Variants in SIPA1L2 observed in about 807,000 individuals in gnomAD.
SIPA1L2 encodes the protein signal-induced proliferation-associated 1-like protein 2.
Under a neutral mutation model 163.9 loss-of-function variants are expected in SIPA1L2, and 56 were observed. The observed-to-expected ratio is 0.34, with a 90% CI of 0.28 to 0.43. The LOEUF is 0.43. Among genes scored for constraint, SIPA1L2 ranks in the 20% least tolerant of loss-of-function variants. SIPA1L2 has a pLI of 1.00. For synonymous variants in SIPA1L2, 877 were observed against 865.7 expected, an observed-to-expected ratio of 1.01 and a Z score of -0.23; for missense variants, 1,974 against 2,193.5, an observed-to-expected ratio of 0.90 and a Z score of 2.00.
chr1:232,558,414 C>T (rs986342842), intron 2 of SIPA1L2, among the ~76,000 whole-genome samples: 2 of 152,174 alleles, frequency 1.3e-5, no homozygotes, highest in African/African-American at 2.4e-5. Context: ...GCCCCACCCC[C>T]GGCCACGGTT....
chr1:232,457,317 A>G (rs1663976951), intron 10 of SIPA1L2, among the ~76,000 whole-genome samples: 1 of 152,212 alleles, frequency 6.6e-6, no homozygotes, highest in African/African-American at 2.4e-5. Flanking sequence ...ATGATTTTCT[A>G]AAACGGGAGT....
chr1:232,521,041 C>T (rs1172510845), intron 2 of SIPA1L2, among the ~76,000 whole-genome samples: 1 of 151,940 alleles, frequency 6.6e-6, no homozygotes, highest in Non-Finnish European at 1.5e-5. Context: ...AATATTTTTG[C>T]CTGGTAAGTT....
intron 2 of SIPA1L2, among the ~76,000 whole-genome samples, chr1:232,530,681 T>C (rs1440217236): frequency 1.3e-5 from 2 of 152,222 alleles, no homozygotes; most frequent in African/African-American, 2.4e-5. Flanking sequence ...CCCTGCTTCC[T>C]GGACTCTAGC....
At chr1:232,608,160 C>G (rs1662061961) in intron 1 of SIPA1L2, among the ~76,000 whole-genome samples, 1 of 152,046 alleles carries the variant, frequency 6.6e-6, no homozygotes, top group African/African-American at 2.4e-5. Flanking sequence ...ACTCTCATGC[C>G]TCAGCCTCCT....
intron 9 of SIPA1L2, among the ~76,000 whole-genome samples, 179 bp downstream of exon 9, chr1:232,464,661 T>C (rs1454718359): frequency 1.3e-5 from 2 of 152,224 alleles, no homozygotes; most frequent in Admixed American, 1.3e-4. Context: ...TCTCCACCAT[T>C]CATGTATTCA....
chr1:232,507,784 C>T (rs895406487), intron 3 of SIPA1L2, among the ~76,000 whole-genome samples: 8 of 152,126 alleles, frequency 5.3e-5, no homozygotes, highest in African/African-American at 1.9e-4. Flanking sequence ...GCATTCAGTG[C>T]AGATAACGAT....
At chr1:232,568,751 T>A (rs1215546180) in intron 2 of SIPA1L2, among the ~76,000 whole-genome samples, 2 of 152,180 alleles carry the variant, frequency 1.3e-5, no homozygotes, top group African/African-American at 2.4e-5. Flanking sequence ...TTTTTCACTC[T>A]GAATAAAGTA....
At chr1:232,417,837 G>A (rs1661347264) in intron 18 of SIPA1L2, among the ~76,000 whole-genome samples, 1 of 152,152 alleles carries the variant, frequency 6.6e-6, no homozygotes, top group Non-Finnish European at 1.5e-5. Context: ...TTTCCACATG[G>A]CTGGGCTCTT....
At chr1:232,622,811 T>C (rs1420122758) in intron 1 of SIPA1L2, among the ~76,000 whole-genome samples, 2 of 152,230 alleles carry the variant, frequency 1.3e-5, no homozygotes, top group Admixed American at 6.5e-5. Context: ...TTGTTCAAGA[T>C]AGATCATGTA....
chr1:232,458,649 A>G (rs1664059686), intron 10 of SIPA1L2, among the ~76,000 whole-genome samples: 1 of 152,206 alleles, frequency 6.6e-6, no homozygotes, highest in African/African-American at 2.4e-5. Flanking sequence ...GACTTGATAC[A>G]AAGGCAGATA....
chr1:232,600,070 G>A (rs1430561245), intron 1 of SIPA1L2, among the ~76,000 whole-genome samples: 1 of 152,224 alleles, frequency 6.6e-6, no homozygotes, highest in East Asian at 1.9e-4. Flanking sequence ...CCTTTCTGGA[G>A]TGGCACCCTT....
intron 12 of SIPA1L2, among the ~76,000 whole-genome samples, chr1:232,443,345 C>T (rs890357411): frequency 9.2e-5 from 14 of 152,202 alleles, no homozygotes; most frequent in African/African-American, 3.4e-4. Flanking sequence ...TAAGCCCTCA[C>T]ATCCTTAATT....
At chr1:232,525,475 G>A (rs1389994551) in intron 2 of SIPA1L2, among the ~76,000 whole-genome samples, 1 of 148,196 alleles carries the variant, frequency 6.7e-6, no homozygotes, top group Non-Finnish European at 1.5e-5. Context: ...AGACTGGTCT[G>A]GAACTTCTGA....
chr1:232,559,448 G>A lies in SIPA1L2; in HGVS notation c.-270+14726C>T, dbSNP rs562024160. Among the ~76,000 whole-genome samples the A allele has an allele frequency of 3.3e-5, 5 of 152,184 alleles. 1 individual carries two copies. Among genetic ancestry groups the A allele is most frequent in the African/African-American group, 1.2e-4 (5 of 41,512 alleles). ...GGAAGAATAAACCTCCTTTTGCCCC[G>A]GTCAGTGTTCTTGAAAAGAAATATG... On this transcript the variant is annotated intron_variant, in intron 2 of 22. Transcript: ENST00000674635.
chr1:232,587,317 C>A (rs971253564), intron 1 of SIPA1L2, among the ~76,000 whole-genome samples: 1 of 152,150 alleles, frequency 6.6e-6, no homozygotes, highest in Non-Finnish European at 1.5e-5. Flanking sequence ...TGGCCCCACA[C>A]GTCTATCACC....
At position 232,619,620 on chromosome 1, in the gene SIPA1L2, C is replaced by G. The variant is rs184831060; in HGVS notation, c.-319+10249G>C. Reference sequence around the variant, plus strand: ...ATTTGCTGACTCTGCCTGACAGCTACCCAGGACGGGATGGAAGGGATGGAA... The same window carrying G: ...ATTTGCTGACTCTGCCTGACAGCTAGCCAGGACGGGATGGAAGGGATGGAA... On this transcript the variant is annotated intron_variant, in intron 1 of 22. Transcript: ENST00000674635. 2.0e-5 allele frequency among the ~76,000 whole-genome samples: 3 copies of G among 152,316 alleles called. No homozygotes were observed. In the East Asian group the frequency reaches 5.8e-4, roughly 29 times the overall value.
intron 8 of SIPA1L2, among the ~76,000 whole-genome samples, chr1:232,469,209 G>A (rs972474996): frequency 3.3e-5 from 5 of 152,166 alleles, no homozygotes; most frequent in South Asian, 2.1e-4. Context: ...CTCAACACCC[G>A]AAAAAAGCTC....
chr1:232,566,727 C>T (rs1314431478), intron 2 of SIPA1L2, among the ~76,000 whole-genome samples: 4 of 152,206 alleles, frequency 2.6e-5, no homozygotes, highest in Non-Finnish European at 4.4e-5. Flanking sequence ...AAGAATCCAA[C>T]GTTCACAATA....
At chr1:232,403,894 T>G (rs1472363701) in intron 20 of SIPA1L2, among the ~76,000 whole-genome samples, 1 of 152,118 alleles carries the variant, frequency 6.6e-6, no homozygotes, top group Non-Finnish European at 1.5e-5. Context: ...TGGCTATGCA[T>G]GAAATAATAG....
Sources: gnomAD v4.1 joint callset for allele counts (sites outside exome capture counted in the v4.1 genomes callset) on GRCh38, gnomAD v4.1.1 for gene constraint, MANE v1.5 for transcripts, NCBI Gene and HGNC (gene_info 2026-07-23, HGNC 2026-07-21) for gene names.